The following ST3GAL2 variants were observed in gnomAD, a reference collection of about 807,000 sequenced individuals.
ST3GAL2 encodes ST3 beta-galactoside alpha-2,3-sialyltransferase 2, also known as CMP-N-acetylneuraminate-beta-galactosamide-alpha-2,3-sialyltransferase 2.
Under a neutral mutation model 37.5 loss-of-function variants are expected in ST3GAL2, and 16 were observed. The observed-to-expected ratio is 0.43, with a 90% CI of 0.29 to 0.65. ST3GAL2 has a LOEUF of 0.65. ST3GAL2 is among the 30% of genes least tolerant of loss of function. The probability of loss-of-function intolerance (pLI) is 0.17; values close to 1 mark genes in which losing one functional copy is unlikely to be tolerated. For synonymous variants in ST3GAL2, 238 were observed against 202.9 expected, an observed-to-expected ratio of 1.17 and a Z score of -1.47; for missense variants, 383 against 487.8, an observed-to-expected ratio of 0.79 and a Z score of 2.02.
intron 1 of ST3GAL2, among the ~76,000 whole-genome samples, chr16:70,435,448 A>G (rs958659026): frequency 6.6e-6 from 1 of 151,734 alleles, no homozygotes; most frequent in Non-Finnish European, 1.5e-5. Context: ...ATACAAAAAA[A>G]TTAGATGGGC....
rs1028389894 is a variant in ST3GAL2 at position 70,398,625 on chromosome 16, T to C, written c.-95A>G. 23 of 1,247,180 alleles carry C rather than the reference T, an allele frequency of 1.8e-5. No homozygotes were observed. The African/African-American group carries it at 3.0e-4, about 16-fold the overall frequency. The allele number at this position is 1,247,180 out of a possible 1,614,324, so 77.3% of individuals were successfully genotyped here. ...GTAGCCTGCCTATTCTGGCACCACATGCAAAGGGCATAGGGGCACGTGCTG... is the reference window on the plus strand; with the variant it reads ...GTAGCCTGCCTATTCTGGCACCACACGCAAAGGGCATAGGGGCACGTGCTG... On this transcript the variant is annotated 5_prime_UTR_variant, in exon 2 of 7. It removes an upstream start codon present in the reference 5' UTR. Coordinates refer to ENST00000342907, the MANE Select transcript of ST3GAL2 (RefSeq NM_006927.4).
intron 2 of ST3GAL2, among the ~76,000 whole-genome samples, chr16:70,397,261 T>G (rs915104100): frequency 1.5e-4 from 22 of 150,296 alleles, no homozygotes; most frequent in African/African-American, 5.1e-4. Flanking sequence ...CAGGCTGGTC[T>G]CGAACTCCTG....
At chr16:70,397,065 G>A (rs1351785709) in intron 2 of ST3GAL2, among the ~76,000 whole-genome samples, 4 of 118,566 alleles carry the variant, frequency 3.4e-5, no homozygotes, top group East Asian at 2.6e-4. Flanking sequence ...TTTTTGAGAC[G>A]GAGTCTCACT....
chr16:70,398,582 T>G lies in ST3GAL2; in HGVS notation c.-52A>C. On this transcript the variant is annotated 5_prime_UTR_variant, in exon 2 of 7. Coordinates refer to ENST00000342907, the MANE Select transcript of ST3GAL2 (RefSeq NM_006927.4). ...CGTGGCCACTCTTTTCCCAGCCCGCTGAGGGGCCAGCCACGGCGTAGCCTG... is the reference window on the plus strand; with the variant it reads ...CGTGGCCACTCTTTTCCCAGCCCGCGGAGGGGCCAGCCACGGCGTAGCCTG... 1 of 1,506,456 alleles carries G rather than the reference T, an allele frequency of 6.6e-7. No homozygotes were observed. Among genetic ancestry groups the G allele is most frequent in the South Asian group, 1.2e-5 (1 of 81,388 alleles). The allele number at this position is 1,506,456 out of a possible 1,614,324, so 93.3% of individuals were successfully genotyped here.
Position 70,398,877 on chromosome 16 carries a change from T to C in ST3GAL2, c.-347A>G. ...CCTCTAGTCCCTTGGGATTGCTGGC[T>C]GCCAGCTCTAGGGGTCCCCCTCTTT... On this transcript the variant is annotated 5_prime_UTR_variant, in exon 2 of 7. Coordinates refer to ENST00000342907, the MANE Select transcript of ST3GAL2 (RefSeq NM_006927.4). 1 of 473,068 alleles carries C rather than the reference T, an allele frequency of 2.1e-6. No homozygotes were observed. The highest frequency in any genetic ancestry group is 3.7e-5 in the Admixed American group (1 of 27,022). The allele number at this position is 473,068 out of a possible 1,614,324, so 29.3% of individuals were successfully genotyped here. A position where few individuals can be genotyped will look rare whatever the true frequency, so the allele number is the denominator to read the frequency against.
intron 1 of ST3GAL2, among the ~76,000 whole-genome samples, chr16:70,410,142 G>C (rs553840287): frequency 6.6e-6 from 1 of 150,394 alleles, no homozygotes; most frequent in African/African-American, 2.4e-5. Flanking sequence ...CATTTCACTT[G>C]GAGTTATGTT....
intron 1 of ST3GAL2, among the ~76,000 whole-genome samples, chr16:70,403,682 G>C (rs951495897): frequency 6.6e-6 from 1 of 152,068 alleles, no homozygotes; most frequent in African/African-American, 2.4e-5. Context: ...GCGTGGTGGT[G>C]GGTGCCTGTA....
intron 1 of ST3GAL2, among the ~76,000 whole-genome samples, chr16:70,407,983 G>A (rs752358854): frequency 6.6e-6 from 1 of 152,110 alleles, no homozygotes; most frequent in African/African-American, 2.4e-5. Context: ...AGGGAGAGGA[G>A]AAAGACGAAA....
chr16:70,436,287 G>A (rs897836713), intron 1 of ST3GAL2, among the ~76,000 whole-genome samples: 2 of 151,940 alleles, frequency 1.3e-5, no homozygotes, highest in African/African-American at 4.8e-5. Flanking sequence ...AAGTAGCGGG[G>A]TGTCGTGGCG....
At chr16:70,426,404 T>C (rs1236783338) in intron 1 of ST3GAL2, among the ~76,000 whole-genome samples, 1 of 151,932 alleles carries the variant, frequency 6.6e-6, no homozygotes, top group Admixed American at 6.6e-5. Flanking sequence ...TTCACCAGAT[T>C]GGCCAGGCTG....
intron 1 of ST3GAL2, among the ~76,000 whole-genome samples, chr16:70,404,416 G>T (rs2047575296): frequency 6.6e-6 from 1 of 152,172 alleles, no homozygotes; most frequent in African/African-American, 2.4e-5. Context: ...TGATCCAGGG[G>T]TATTGCGAGG....
chr16:70,393,187 G>A (rs1198521443), intron 3 of ST3GAL2, among the ~76,000 whole-genome samples: 2 of 151,832 alleles, frequency 1.3e-5, no homozygotes, highest in Non-Finnish European at 2.9e-5. Context: ...CTGGGTTCAG[G>A]CAACCTCAGC....
At chr16:70,409,181 T>C (rs1013693125) in intron 1 of ST3GAL2, among the ~76,000 whole-genome samples, 1 of 152,182 alleles carries the variant, frequency 6.6e-6, no homozygotes, top group Non-Finnish European at 1.5e-5. Flanking sequence ...CTCACACCTA[T>C]AATCCCAGCA....
chr16:70,412,804 T>C (rs899473990), intron 1 of ST3GAL2, among the ~76,000 whole-genome samples: 6 of 151,570 alleles, frequency 4.0e-5, no homozygotes, highest in African/African-American at 7.3e-5. Flanking sequence ...CCCAGCATTT[T>C]TGGAGGCCTA....
chr16:70,435,047 G>A lies in ST3GAL2; in HGVS notation c.-1004+3902C>T, dbSNP rs2047815795. Among the ~76,000 whole-genome samples the A allele has an allele frequency of 2.6e-5, 4 of 152,206 alleles. No homozygotes were observed. In the South Asian group the frequency reaches 8.3e-4, roughly 31 times the overall value. ...AGGCACCCCAACCCACTTGGTTGGGGAAACAGGCACAGGCCAGACGAGGGC... is the reference window on the plus strand; with the variant it reads ...AGGCACCCCAACCCACTTGGTTGGGAAAACAGGCACAGGCCAGACGAGGGC... On this transcript the variant is annotated intron_variant, in intron 1 of 6. Transcript: ENST00000342907.
At chr16:70,396,026 C>T (rs1312246107) in intron 2 of ST3GAL2, among the ~76,000 whole-genome samples, 1 of 149,538 alleles carries the variant, frequency 6.7e-6, no homozygotes, top group Admixed American at 6.7e-5. Flanking sequence ...GGCTGGAGTG[C>T]AATGGCGCGA....
chr16:70,438,687 G>A (rs2047844616), intron 1 of ST3GAL2, among the ~76,000 whole-genome samples: 2 of 152,224 alleles, frequency 1.3e-5, no homozygotes, highest in African/African-American at 2.4e-5. Flanking sequence ...GGGGGCTGCC[G>A]GCAAAGGAGC....
At chr16:70,430,866 T>C (rs2047785052) in intron 1 of ST3GAL2, among the ~76,000 whole-genome samples, 1 of 152,106 alleles carries the variant, frequency 6.6e-6, no homozygotes, top group African/African-American at 2.4e-5. Context: ...CATCTTTTCT[T>C]GTGTAGCCTA....
chr16:70,388,653 C>A, intron 3 of ST3GAL2, 107 bp from the exon 4 acceptor site: 1 of 1,257,350 alleles, frequency 8.0e-7, no homozygotes, highest in Non-Finnish European at 1.1e-6. Flanking sequence ...CGGGTGTATA[C>A]TCCAACCTAG....
Sources: gnomAD v4.1 joint callset for allele counts (sites outside exome capture counted in the v4.1 genomes callset) on GRCh38, gnomAD v4.1.1 for gene constraint, MANE v1.5 for transcripts, NCBI Gene and HGNC (gene_info 2026-07-23, HGNC 2026-07-21) for gene names.